The following ZNG1E variants were observed in gnomAD, a reference collection of about 807,000 sequenced individuals.
The protein encoded by ZNG1E is Zn regulated GTPase metalloprotein activator 1E.
At chr9:65,717,685 ATTT>A in the ZNG1E span, among the ~76,000 whole-genome samples, 1 of 142,940 alleles carries the variant, frequency 7.0e-6, no homozygotes, top group East Asian at 2.0e-4. Context: ...TTTGCCTTTC[ATTT>A]TTTTTTTCTT....
At chr9:65,694,613 T>G in the ZNG1E span, among the ~76,000 whole-genome samples, 6 of 151,206 alleles carry the variant, frequency 4.0e-5, no homozygotes, top group Non-Finnish European at 8.9e-5. Flanking sequence ...TAACTTTGCC[T>G]TGATATAAAG....
chr9:65,673,157 C>G, the ZNG1E span, among the ~76,000 whole-genome samples: 1 of 16,340 alleles, frequency 6.1e-5, no homozygotes, highest in Admixed American at 8.1e-4. Flanking sequence ...ACATTTTCAT[C>G]ACCGCCCAAA....
chr9:65,730,381 G>A, the ZNG1E span, among the ~76,000 whole-genome samples: 4 of 120,262 alleles, frequency 3.3e-5, no homozygotes, highest in African/African-American at 7.2e-5. Flanking sequence ...GGTGGGAAGG[G>A]GATGAGGAAT....
chr9:65,722,136 GA>G, the ZNG1E span, among the ~76,000 whole-genome samples: 1 of 116,390 alleles, frequency 8.6e-6, no homozygotes, highest in Non-Finnish European at 1.7e-5. Flanking sequence ...AAACTGGGAA[GA>G]ACTTAGCAAG....
At chr9:65,680,759 C>G in the ZNG1E span, among the ~76,000 whole-genome samples, 1 of 151,728 alleles carries the variant, frequency 6.6e-6, no homozygotes, top group Non-Finnish European at 1.5e-5. Context: ...GTAAGTATTG[C>G]TAGGAAAATA....
the ZNG1E span, among the ~76,000 whole-genome samples, chr9:65,699,093 AT>A: frequency 1.5e-5 from 2 of 129,550 alleles, no homozygotes; most frequent in African/African-American, 2.9e-5. Flanking sequence ...ATTTTATTTT[AT>A]TTTTTTTTAG....
chr9:65,719,915 A>C, the ZNG1E span: 1 of 1,299,370 alleles, frequency 7.7e-7, no homozygotes, highest in Non-Finnish European at 1.0e-6. Context: ...CAACTTGTAA[A>C]ATTGGAATTA....
chr9:65,673,530 T>C, the ZNG1E span, among the ~76,000 whole-genome samples: 1 of 151,986 alleles, frequency 6.6e-6, no homozygotes, highest in South Asian at 2.1e-4. Context: ...GTTACAACAA[T>C]GCTATTTGGT....
At chr9:65,712,078 C>CT in the ZNG1E span, among the ~76,000 whole-genome samples, 3,396 of 146,772 alleles carry the variant, frequency 0.023, 39 homozygotes, top group African/African-American at 0.084. Flanking sequence ...CTGGTTTAGT[C>CT]TTTGGAGGGT....
chr9:65,722,697 A>ATTTTTTTT, the ZNG1E span, among the ~76,000 whole-genome samples: 246 of 8,418 alleles, frequency 0.029, 68 homozygotes, highest in South Asian at 0.057. Context: ...TGCCTAGCTA[A>ATTTTTTTT]TTTTTTTTTT....
At chr9:65,681,085 G>A in the ZNG1E span, among the ~76,000 whole-genome samples, 1 of 151,036 alleles carries the variant, frequency 6.6e-6, no homozygotes, top group Non-Finnish European at 1.5e-5. Flanking sequence ...CGGTACACTG[G>A]CCAAAAACCT....
the ZNG1E span, among the ~76,000 whole-genome samples, chr9:65,710,959 T>C: frequency 2.7e-5 from 4 of 145,826 alleles, no homozygotes; most frequent in South Asian, 2.2e-4. Flanking sequence ...ATGGCCATTT[T>C]CACGATATTG....
At chr9:65,720,983 A>AC in the ZNG1E span, among the ~76,000 whole-genome samples, 4 of 147,994 alleles carry the variant, frequency 2.7e-5, no homozygotes, top group African/African-American at 1.1e-4. Context: ...AAAAAAAAAA[A>AC]AAAAAACCCA....
the ZNG1E span, among the ~76,000 whole-genome samples, chr9:65,720,933 A>G: frequency 6.8e-4 from 101 of 149,078 alleles, no homozygotes; most frequent in Admixed American, 4.7e-4. Flanking sequence ...AAAATGAATA[A>G]ATGAGAGAAA....
the ZNG1E span, among the ~76,000 whole-genome samples, chr9:65,691,583 TA>T: frequency 9.2e-5 from 14 of 151,906 alleles, no homozygotes; most frequent in African/African-American, 3.4e-4. Flanking sequence ...AGGTTTTCTT[TA>T]AAAAAAACAA....
the ZNG1E span, among the ~76,000 whole-genome samples, chr9:65,666,331 G>A: frequency 6.7e-6 from 1 of 149,066 alleles, no homozygotes; most frequent in Non-Finnish European, 1.5e-5. Flanking sequence ...TTTTGAAAAG[G>A]GGAGTTTCCC....
chr9:65,665,277 G>A, the ZNG1E span, among the ~76,000 whole-genome samples: 4 of 152,266 alleles, frequency 2.6e-5, no homozygotes, highest in Non-Finnish European at 5.9e-5. Flanking sequence ...TCGTGGGCTG[G>A]GCCCAGGGTC....
the ZNG1E span, among the ~76,000 whole-genome samples, chr9:65,714,752 C>T: frequency 3.3e-4 from 50 of 151,458 alleles, no homozygotes; most frequent in South Asian, 3.3e-3. Flanking sequence ...GCAGTCTGCC[C>T]GTTCTCAGAT....
the ZNG1E span, among the ~76,000 whole-genome samples, chr9:65,698,954 C>T: frequency 6.9e-6 from 1 of 144,632 alleles, no homozygotes; most frequent in Admixed American, 6.9e-5. Flanking sequence ...GGCTGAAGTG[C>T]AGGCTCACTG....
Sources: gnomAD v4.1 joint callset for allele counts (sites outside exome capture counted in the v4.1 genomes callset) on GRCh38, gnomAD v4.1.1 for gene constraint, MANE v1.5 for transcripts, NCBI Gene and HGNC (gene_info 2026-07-23, HGNC 2026-07-21) for gene names.